ZNF385D: variants seen among roughly 807,000 people sequenced by gnomAD.
ZNF385D encodes zinc finger protein 659.
A neutral mutation model predicts 35.8 loss-of-function variants in ZNF385D; 15 were observed. The observed-to-expected ratio is 0.42, with a 90% CI of 0.28 to 0.64. The LOEUF is 0.64. Among genes scored for constraint, ZNF385D ranks in the 30% least tolerant of loss-of-function variants. The pLI is 0.23. For missense variants in ZNF385D, 474 were observed against 494.6 expected (o/e 0.96, Z 0.39); for synonymous variants, 212 against 186.8 (o/e 1.13, Z -1.10).
chr3:22,215,094 G>A (rs1186347292), intron 2 of ZNF385D, among the ~76,000 whole-genome samples: 1 of 151,874 alleles, frequency 6.6e-6, no homozygotes, highest in Non-Finnish European at 1.5e-5. Flanking sequence ...AAGGAATATA[G>A]AAAAAAACCT....
At chr3:22,370,907 A>T (rs1157890197) in intron 2 of ZNF385D, among the ~76,000 whole-genome samples, 2 of 152,148 alleles carry the variant, frequency 1.3e-5, no homozygotes, top group Non-Finnish European at 2.9e-5. Flanking sequence ...TTTTTGCCTC[A>T]GGTCTCTTTC....
At chr3:22,061,908 G>C (rs143116514) in intron 3 of ZNF385D, among the ~76,000 whole-genome samples, 1 of 152,274 alleles carries the variant, frequency 6.6e-6, no homozygotes, top group African/African-American at 2.4e-5. Context: ...CATATTTTGA[G>C]CTGTCTTGTT....
At position 21,716,892 on chromosome 3, in the gene ZNF385D, G is replaced by A. The variant is rs1408964045; in HGVS notation, c.22+34003C>T. Among the ~76,000 whole-genome samples, 3 of 152,070 alleles carry A rather than the reference G, an allele frequency of 2.0e-5. No individual in the cohort carries two copies. In the South Asian group the frequency reaches 6.2e-4, roughly 32 times the overall value. Reference sequence around the variant, plus strand: ...TAATCCCAGGACTTTGGGAGGCTGAGGCGGGTGGATCACAAGGTCAAGAGA... The same window carrying A: ...TAATCCCAGGACTTTGGGAGGCTGAAGCGGGTGGATCACAAGGTCAAGAGA... On this transcript the variant is annotated intron_variant, in intron 1 of 7. Coordinates refer to ENST00000281523, the MANE Select transcript of ZNF385D (RefSeq NM_024697.3).
chr3:21,953,610 A>G (rs1702159608), intron 3 of ZNF385D, among the ~76,000 whole-genome samples: 1 of 152,152 alleles, frequency 6.6e-6, no homozygotes, highest in East Asian at 1.9e-4. Flanking sequence ...ACATTAACTC[A>G]TATTTTTTAC....
At chr3:21,839,798 T>C (rs1005306201) in intron 3 of ZNF385D, among the ~76,000 whole-genome samples, 3 of 152,048 alleles carry the variant, frequency 2.0e-5, no homozygotes, top group African/African-American at 4.8e-5. Flanking sequence ...ATGCCTGACC[T>C]GCACTTGACC....
chr3:21,441,584 A>T (rs572145658), intron 4 of ZNF385D: 1 of 563,074 alleles, frequency 1.8e-6, no homozygotes, highest in South Asian at 7.8e-5. Context: ...CCCAAGCTAG[A>T]GTCAATTACG....
At chr3:21,972,602 T>C (rs984907020) in intron 3 of ZNF385D, among the ~76,000 whole-genome samples, 1 of 151,554 alleles carries the variant, frequency 6.6e-6, no homozygotes, top group African/African-American at 2.4e-5. Flanking sequence ...ATAAATGAAA[T>C]TGAAAGGTTA....
chr3:21,558,491 C>T (rs1311651151), intron 3 of ZNF385D, among the ~76,000 whole-genome samples: 2 of 152,128 alleles, frequency 1.3e-5, no homozygotes, highest in African/African-American at 4.8e-5. Context: ...ATCCTGACTT[C>T]CAATTTAATT....
At chr3:21,994,714 G>A (rs1215333353) in intron 3 of ZNF385D, among the ~76,000 whole-genome samples, 1 of 152,170 alleles carries the variant, frequency 6.6e-6, no homozygotes, top group African/African-American at 2.4e-5. Context: ...TACTATAGAT[G>A]TATCAATAGT....
chr3:22,162,412 C>G (rs752442789), intron 3 of ZNF385D, among the ~76,000 whole-genome samples: 1 of 152,124 alleles, frequency 6.6e-6, no homozygotes, highest in Non-Finnish European at 1.5e-5. Context: ...CCCCCCTTAT[C>G]TGCCTTACCC....
At chr3:21,567,396 C>A (rs1015344375) in intron 2 of ZNF385D, among the ~76,000 whole-genome samples, 2 of 151,920 alleles carry the variant, frequency 1.3e-5, no homozygotes, top group African/African-American at 2.4e-5. Flanking sequence ...TTTATTATTT[C>A]CCCAGAACCA....
chr3:21,849,350 G>C (rs1158911705), intron 3 of ZNF385D, among the ~76,000 whole-genome samples: 4 of 152,060 alleles, frequency 2.6e-5, no homozygotes, highest in African/African-American at 9.7e-5. Context: ...TTTGTGAATT[G>C]CTAATTTAAA....
intron 3 of ZNF385D, among the ~76,000 whole-genome samples, chr3:22,151,210 G>A (rs1350110270): frequency 6.6e-6 from 1 of 152,110 alleles, no homozygotes; most frequent in Non-Finnish European, 1.5e-5. Context: ...TGGGGCTGGG[G>A]AAGGAACATC....
chr3:21,949,074 T>C (rs1220510973), intron 3 of ZNF385D, among the ~76,000 whole-genome samples: 1 of 152,224 alleles, frequency 6.6e-6, no homozygotes, highest in African/African-American at 2.4e-5. Context: ...ATTTAGTTAC[T>C]AGTGATATTG....
At chr3:22,152,117 T>C (rs1473734038) in intron 3 of ZNF385D, among the ~76,000 whole-genome samples, 1 of 152,154 alleles carries the variant, frequency 6.6e-6, no homozygotes, top group African/African-American at 2.4e-5. Context: ...TGGTTTTCTG[T>C]TCCTGCATTA....
intron 3 of ZNF385D, among the ~76,000 whole-genome samples, chr3:22,113,185 T>C (rs979188681): frequency 6.6e-6 from 1 of 152,094 alleles, no homozygotes; most frequent in Non-Finnish European, 1.5e-5. Flanking sequence ...GGGTGGGCTA[T>C]GGGCCTTTGC....
At chr3:21,573,348 TTAAAA>T (rs553455433) in intron 2 of ZNF385D, among the ~76,000 whole-genome samples, 318 of 152,282 alleles carry the variant, frequency 2.1e-3, no homozygotes, top group African/African-American at 7.2e-3. Context: ...AAAATAAAAT[TTAAAA>T]TAACAAGATT....
At chr3:22,156,180 G>GA (rs945951260) in intron 3 of ZNF385D, among the ~76,000 whole-genome samples, 1 of 151,928 alleles carries the variant, frequency 6.6e-6, no homozygotes, top group African/African-American at 2.4e-5. Context: ...GTACTTCTAG[G>GA]AAAAAAATTA....
intron 3 of ZNF385D, among the ~76,000 whole-genome samples, chr3:22,097,790 G>C (rs777743645): frequency 6.6e-6 from 1 of 151,952 alleles, no homozygotes; most frequent in Non-Finnish European, 1.5e-5. Flanking sequence ...AAAACTATGG[G>C]CACTAGGAAC....
Sources: gnomAD v4.1 joint callset for allele counts (sites outside exome capture counted in the v4.1 genomes callset) on GRCh38, gnomAD v4.1.1 for gene constraint, MANE v1.5 for transcripts, NCBI Gene and HGNC (gene_info 2026-07-23, HGNC 2026-07-21) for gene names.